CGNL1: variants seen among roughly 807,000 people sequenced by gnomAD.
The protein encoded by CGNL1 is cingulin-like protein 1.
Under a neutral mutation model 141.2 loss-of-function variants are expected in CGNL1, and 132 were observed. The ratio of observed to expected loss-of-function variants is 0.93; its 90% CI spans 0.81 to 1.08. CGNL1 has a LOEUF of 1.08. CGNL1 is among the 50% of genes least tolerant of loss of function. CGNL1 has a pLI of 0.00. For synonymous variants in CGNL1, 690 were observed against 622.1 expected (o/e 1.11, Z -1.63); for missense variants, 1,870 against 1,588.6 (o/e 1.18, Z -3.01).
At chr15:57,437,088 C>G (rs544014742) in intron 1 of CGNL1, among the ~76,000 whole-genome samples, 117 of 152,202 alleles carry the variant, frequency 7.7e-4, no homozygotes, top group African/African-American at 2.7e-3. Context: ...AAGTGAATTT[C>G]TGGTGAGGAA....
intron 1 of CGNL1, among the ~76,000 whole-genome samples, chr15:57,426,966 G>A (rs1490435470): frequency 6.6e-6 from 1 of 152,170 alleles, no homozygotes; most frequent in Non-Finnish European, 1.5e-5. Context: ...GAAGGAGAGA[G>A]GGAGCTAAGG....
chr15:57,479,351 A>G (rs565393294), intron 8 of CGNL1, among the ~76,000 whole-genome samples: 191 of 152,288 alleles, frequency 1.3e-3, no homozygotes, highest in African/African-American at 4.3e-3. Flanking sequence ...GCCCAGCAAT[A>G]GAAACAATCA....
chr15:57,399,306 C>T (rs758384112), intron 1 of CGNL1, among the ~76,000 whole-genome samples: 5 of 152,152 alleles, frequency 3.3e-5, no homozygotes, highest in African/African-American at 4.8e-5. Context: ...TCTTTCTATC[C>T]TACCCTCTTC....
chr15:57,467,460 G>A (rs1337113988), intron 8 of CGNL1, among the ~76,000 whole-genome samples: 2 of 152,124 alleles, frequency 1.3e-5, no homozygotes, highest in Non-Finnish European at 2.9e-5. Context: ...GCTGGGCTTT[G>A]TGGAGAAAAT....
chr15:57,503,041 C>A (rs550535774), intron 8 of CGNL1, among the ~76,000 whole-genome samples: 20 of 152,340 alleles, frequency 1.3e-4, no homozygotes, highest in African/African-American at 4.6e-4. Flanking sequence ...TAAGGACGCA[C>A]CATGTGGGAT....
intron 1 of CGNL1, among the ~76,000 whole-genome samples, chr15:57,413,619 C>T (rs1000569979): frequency 1.4e-4 from 22 of 152,184 alleles, no homozygotes; most frequent in African/African-American, 3.4e-4. Context: ...CCTTCCTGGC[C>T]GCTCTTTTTT....
Position 57,442,447 on chromosome 15 carries a change from G to C in CGNL1, c.1772G>C (p.Arg591Pro), listed in dbSNP as rs778457143. ...VFEKIQTLKS[R>P]AAGSAQGNNQ... ...GAGAAAATCCAGACCTTAAAGTCTCGAGCAGCTGGGAGCGCCCAAGGAAAT... is the reference window on the plus strand; with the variant it reads ...GAGAAAATCCAGACCTTAAAGTCTCCAGCAGCTGGGAGCGCCCAAGGAAAT... Residue 591 changes from arginine to proline, a missense_variant, in exon 4 of 19, where the codon CGA (arginine) becomes CCA (proline). Physicochemically the swap from Arg to Pro is moderately radical, Grantham distance 103. Transcript: ENST00000281282. The C allele has an allele frequency of 7.4e-6, 12 of 1,612,750 alleles. No individual in the cohort carries two copies. The East Asian group carries it at 1.8e-4, about 24-fold the overall frequency.
chr15:57,495,380 G>C (rs1324989211), intron 8 of CGNL1, among the ~76,000 whole-genome samples: 1 of 152,154 alleles, frequency 6.6e-6, no homozygotes, highest in African/African-American at 2.4e-5. Flanking sequence ...CCTCGAGGTG[G>C]CATTGAGCTG....
At chr15:57,540,189 A>G (rs1363431647) in intron 14 of CGNL1, among the ~76,000 whole-genome samples, 2 of 152,078 alleles carry the variant, frequency 1.3e-5, no homozygotes, top group African/African-American at 4.8e-5. Context: ...CGGTTTTGAA[A>G]GCTGCATTCC....
intron 1 of CGNL1, among the ~76,000 whole-genome samples, chr15:57,386,804 G>T (rs1212616444): frequency 5.9e-5 from 9 of 152,166 alleles, no homozygotes; most frequent in Non-Finnish European, 1.2e-4. Flanking sequence ...ATGAGTTGCT[G>T]TTAGTAAAAT....
intron 8 of CGNL1, among the ~76,000 whole-genome samples, chr15:57,501,576 G>A (rs1489784497): frequency 1.3e-5 from 2 of 152,204 alleles, no homozygotes; most frequent in African/African-American, 4.8e-5. Flanking sequence ...ACGGGGTGTT[G>A]GCCATAGAGG....
chr15:57,531,804 C>T (rs564208390), intron 14 of CGNL1, 25 bp downstream of exon 14: 78 of 1,384,560 alleles, frequency 5.6e-5, no homozygotes, highest in South Asian at 2.6e-4. Context: ...GTGAATGATG[C>T]GTGGATTGTC....
chr15:57,539,519 C>G (rs1209935536), intron 14 of CGNL1, among the ~76,000 whole-genome samples: 1 of 152,206 alleles, frequency 6.6e-6, no homozygotes, highest in African/African-American at 2.4e-5. Flanking sequence ...CCCCTCCAGC[C>G]CTGGGTCATA....
chr15:57,456,503 TAAATA>T (rs1193649836), intron 7 of CGNL1, among the ~76,000 whole-genome samples: 4 of 145,020 alleles, frequency 2.8e-5, no homozygotes, highest in Non-Finnish European at 6.1e-5. Flanking sequence ...AAAAAAAAAA[TAAATA>T]AAACAGTTTA....
At chr15:57,527,865 G>C (rs2031710777) in intron 12 of CGNL1, among the ~76,000 whole-genome samples, 2 of 152,182 alleles carry the variant, frequency 1.3e-5, no homozygotes, top group African/African-American at 4.8e-5. Flanking sequence ...AACCTCTTTT[G>C]AGGTGACAGT....
At chr15:57,377,468 G>T (rs2062377449) in intron 1 of CGNL1, among the ~76,000 whole-genome samples, 1 of 152,138 alleles carries the variant, frequency 6.6e-6, no homozygotes, top group South Asian at 2.1e-4. Flanking sequence ...TAATGTGCAG[G>T]CAAGTTTGAA....
Position 57,497,270 on chromosome 15 carries a change from T to C in CGNL1, c.2404-19510T>C, listed in dbSNP as rs150932609. On this transcript the variant is annotated intron_variant, in intron 8 of 18. Transcript: ENST00000281282. Reference sequence around the variant, plus strand: ...GAGGGCCTCTTTGTTTGCTCCTGTGTGTGTGCACCTTGTCTGCCCTGACAG... The same window carrying C: ...GAGGGCCTCTTTGTTTGCTCCTGTGCGTGTGCACCTTGTCTGCCCTGACAG... 8.8e-3 allele frequency among the ~76,000 whole-genome samples: 1,344 copies of C among 152,084 alleles called. 8 individuals are homozygous for C. The highest frequency in any genetic ancestry group is 0.013 in the Non-Finnish European group (913 of 67,978).
intron 8 of CGNL1, among the ~76,000 whole-genome samples, chr15:57,505,022 T>C (rs1445277658): frequency 2.6e-5 from 4 of 152,158 alleles, no homozygotes; most frequent in Non-Finnish European, 5.9e-5. Context: ...GTCCCAGCTC[T>C]TTTGAGGGAG....
chr15:57,398,918 T>C (rs1664444), intron 1 of CGNL1, among the ~76,000 whole-genome samples: 85,403 of 152,018 alleles, frequency 0.56, 24,240 homozygotes, highest in Middle Eastern at 0.6. Context: ...ATTTATTATT[T>C]TGAAAATCCA....
Sources: gnomAD v4.1 joint callset for allele counts (sites outside exome capture counted in the v4.1 genomes callset) on GRCh38, gnomAD v4.1.1 for gene constraint, MANE v1.5 for transcripts, NCBI Gene and HGNC (gene_info 2026-07-23, HGNC 2026-07-21) for gene names.